FANCD2: variants seen among roughly 807,000 people sequenced by gnomAD.
The protein encoded by FANCD2 is FA complementation group D2, also known as Fanconi anemia group D2 protein.
FANCD2 carries 131 observed loss-of-function variants against 192.3 expected under a neutral mutation model. The ratio of observed to expected loss-of-function variants is 0.68; its 90% CI spans 0.59 to 0.79. The LOEUF (loss-of-function observed/expected upper bound fraction) is 0.79. Among genes scored for constraint, FANCD2 ranks in the 30% least tolerant of loss-of-function variants. The pLI, the probability that FANCD2 is intolerant of heterozygous loss-of-function variation, is 0.00. For synonymous variants in FANCD2, 524 were observed against 612.5 expected, an observed-to-expected ratio of 0.86 and a Z score of 2.13; for missense variants, 1,508 against 1,701.6, an observed-to-expected ratio of 0.89 and a Z score of 2.00.
intron 17 of FANCD2, among the ~76,000 whole-genome samples, chr3:10,050,474 T>A (rs1287606364): frequency 3.3e-5 from 5 of 151,492 alleles, no homozygotes; most frequent in Non-Finnish European, 7.4e-5. Context: ...AATACAAAAA[T>A]TAGCCGGGCA....
chr3:10,038,796 G>A (rs555302395), intron 7 of FANCD2, among the ~76,000 whole-genome samples: 70 of 152,100 alleles, frequency 4.6e-4, no homozygotes, highest in African/African-American at 1.6e-3. Flanking sequence ...GGCCAGGCTG[G>A]TCTTGAACTC....
intron 32 of FANCD2, among the ~76,000 whole-genome samples, chr3:10,082,604 C>T (rs1020888737): frequency 1.3e-5 from 2 of 152,104 alleles, no homozygotes; most frequent in African/African-American, 4.8e-5. Flanking sequence ...ATAGCTTTTA[C>T]GTGGGAGGCT....
chr3:10,043,433 T>G, intron 12 of FANCD2, 51 bp from the exon 13 acceptor site: 2 of 1,442,836 alleles, frequency 1.4e-6, no homozygotes, highest in Middle Eastern at 1.7e-4. Context: ...ATCTTGTAAG[T>G]TCTTTTCTGG....
chr3:10,031,147 G>C (rs2086581338), intron 2 of FANCD2, among the ~76,000 whole-genome samples: 1 of 152,130 alleles, frequency 6.6e-6, no homozygotes, highest in African/African-American at 2.4e-5. Context: ...TTCTGGTTGT[G>C]TTTTACATTT....
At chr3:10,070,139 C>G (rs1342221730) in intron 26 of FANCD2, among the ~76,000 whole-genome samples, 1 of 150,402 alleles carries the variant, frequency 6.6e-6, no homozygotes, top group Non-Finnish European at 1.5e-5. Context: ...TGAGGAGCGT[C>G]TCTGCCCGGC....
At chr3:10,060,859 G>T (rs769712384) in intron 19 of FANCD2, among the ~76,000 whole-genome samples, 3 of 152,064 alleles carry the variant, frequency 2.0e-5, no homozygotes, top group Non-Finnish European at 4.4e-5. Flanking sequence ...AAGAAATATC[G>T]GTTTGGGGGC....
chr3:10,073,564 G>GTT, intron 28 of FANCD2, among the ~76,000 whole-genome samples: 1 of 152,294 alleles, frequency 6.6e-6, no homozygotes, highest in South Asian at 2.1e-4. Flanking sequence ...ACTGTTGACT[G>GTT]TTTTTTCTAA....
intron 37 of FANCD2, 70 bp from the exon 38 acceptor site, chr3:10,092,111 C>G (rs1336995978): frequency 1.9e-6 from 2 of 1,047,938 alleles, no homozygotes; most frequent in Admixed American, 3.4e-5. Context: ...AGAACTATAT[C>G]TTAGTGGGAA....
Position 10,074,601 on chromosome 3 carries a change from C to A in FANCD2, c.2787C>A (p.Asp929Glu). 1 of 1,613,440 alleles carries A rather than the reference C, an allele frequency of 6.2e-7. No individual in the cohort carries two copies. Among genetic ancestry groups the A allele is most frequent in the East Asian group, 2.2e-5 (1 of 44,836 alleles). Residue 929 changes from aspartate (D) to glutamate (E), a missense_variant, in exon 29 of 44, where the codon GAC becomes GAA. This residue lies in a region of FANCD2 where 796 missense variants were observed against 879.4 expected (regional missense o/e 0.91). Coordinates refer to ENST00000675286, the MANE Select transcript of FANCD2 (RefSeq NM_001018115.3). ...CCCATGCTTTTTTCCGAGAGCTGGACATTGAGGTCTTCTCTATTCTACATT... is the reference window on the plus strand; with the variant it reads ...CCCATGCTTTTTTCCGAGAGCTGGAAATTGAGGTCTTCTCTATTCTACATT... ...HNSHAFFREL[D>E]IEVFSILHCG... is the part of the protein sequence containing the mutation.
chr3:10,043,892 G>A (rs748774754), intron 14 of FANCD2, 28 bp downstream of exon 14: 2 of 1,561,342 alleles, frequency 1.3e-6, no homozygotes, highest in Non-Finnish European at 1.8e-6. Context: ...TGCATTTTCA[G>A]TATTGCAGAC....
At position 10,087,200 on chromosome 3, in the gene FANCD2, C is replaced by T. The variant is rs1483611289; in HGVS notation, c.3402C>T (p.Leu1134=). The T allele has an allele frequency of 2.5e-6, 4 of 1,613,034 alleles. No homozygotes were observed. The highest frequency in any genetic ancestry group is 3.4e-6 in the Non-Finnish European group (4 of 1,179,466). Residue 1134 remains leucine (L), a synonymous_variant, in exon 34 of 44, where the codon CTC becomes CTT. Coordinates refer to ENST00000675286, the MANE Select transcript of FANCD2 (RefSeq NM_001018115.3). ...CCAGTTTCCAGTGTGCTCTTTATCT[C>T]ATCAGACTTTTGATGGTTATTTTGG... is the stretch of plus-strand genomic sequence containing the variant. ...SIPSFQCALY[L]IRLLMVILEK... is the part of the protein sequence containing the mutation.
Position 10,062,193 on chromosome 3 carries a change from C to T in FANCD2, c.1809C>T (p.Ser603=), listed in dbSNP as rs367551904. ...TGACCCAAGAGAGAGCCAACCTGAG[C>T]GATGAGCAGTGCACACAGGTGAGTT... is the stretch of plus-strand genomic sequence containing the variant. The part of the protein sequence containing the change: ...PSLTQERANL[S]DEQCTQVTSL... The change falls in exon 20 of 44, where the codon AGC becomes AGT. Residue 603 remains serine (S), a synonymous_variant. Transcript: ENST00000675286. The T allele has an allele frequency of 4.9e-5, 79 of 1,612,666 alleles. No individual in the cohort carries two copies. In the African/African-American group the frequency reaches 5.4e-4, roughly 11 times the overall value.
chr3:10,071,271 G>A (rs920501287), intron 26 of FANCD2, among the ~76,000 whole-genome samples: 2 of 151,812 alleles, frequency 1.3e-5, no homozygotes, highest in Non-Finnish European at 1.5e-5. Flanking sequence ...GCACTATGGA[G>A]AACAGTTTGG....
chr3:10,094,238 C>T, intron 39 of FANCD2, 51 bp from the exon 40 acceptor site: 5 of 1,432,846 alleles, frequency 3.5e-6, no homozygotes, highest in Non-Finnish European at 4.9e-6. Context: ...CCTCAGGGGC[C>T]TTTCAGTGAG....
At chr3:10,043,377 A>C (rs1463590539) in intron 12 of FANCD2, 107 bp from the exon 13 acceptor site, 5 of 912,620 alleles carry the variant, frequency 5.5e-6, no homozygotes, top group Non-Finnish European at 8.9e-6. Context: ...TAGCCATCTT[A>C]TACATGAGGT....
intron 18 of FANCD2, among the ~76,000 whole-genome samples, chr3:10,054,427 ATG>A (rs1491337834): frequency 2.7e-5 from 2 of 75,354 alleles, no homozygotes; most frequent in African/African-American, 1.2e-4. Context: ...ACATATATAC[ATG>A]TATATACATG....
chr3:10,028,090 G>T (rs1449400846), intron 1 of FANCD2, among the ~76,000 whole-genome samples: 1 of 149,412 alleles, frequency 6.7e-6, no homozygotes, highest in African/African-American at 2.5e-5. Context: ...TTGTCCCTAA[G>T]AAATGGTCCT....
At chr3:10,041,075 T>C (rs2086853176) in intron 9 of FANCD2, 2 of 167,780 alleles carry the variant, frequency 1.2e-5, no homozygotes, top group African/African-American at 4.8e-5. Flanking sequence ...GCACTTATAA[T>C]TCTAGCTACT....
intron 37 of FANCD2, among the ~76,000 whole-genome samples, chr3:10,090,866 C>T (rs1694563188): frequency 6.7e-6 from 1 of 150,122 alleles, no homozygotes; most frequent in Non-Finnish European, 1.5e-5. Context: ...CAAAGAGTTC[C>T]TAGTTTAATT....
Sources: gnomAD v4.1 joint callset for allele counts (sites outside exome capture counted in the v4.1 genomes callset) on GRCh38, gnomAD v4.1.1 for gene constraint, gnomAD v4.1.1 regional missense constraint, MANE v1.5 for transcripts, NCBI Gene and HGNC (gene_info 2026-07-23, HGNC 2026-07-21) for gene names.